The following SCAF11 variants were observed in gnomAD, a reference collection of about 807,000 sequenced individuals.
SCAF11 encodes the protein SR-related CTD associated factor 11, also known as protein SCAF11.
Under a neutral mutation model 140.5 loss-of-function variants are expected in SCAF11, and 47 were observed. That is an observed-to-expected ratio of 0.33 (90% confidence interval 0.26 to 0.43). The LOEUF (loss-of-function observed/expected upper bound fraction) is 0.43, where lower values mean the gene tolerates loss of function less well. SCAF11 is among the 20% of genes least tolerant of loss of function. The pLI, the probability that SCAF11 is intolerant of heterozygous loss-of-function variation, is 1.00. For missense variants in SCAF11, 1,645 were observed against 1,705.1 expected (o/e 0.96, Z 0.62); for synonymous variants, 557 against 579.4 (o/e 0.96, Z 0.55).
chr12:45,938,756 T>C (rs915606590), intron 6 of SCAF11, among the ~76,000 whole-genome samples: 5 of 150,866 alleles, frequency 3.3e-5, no homozygotes, highest in African/African-American at 1.2e-4. Flanking sequence ...TAGAACCCAG[T>C]ACTTGGCAGG....
intron 1 of SCAF11, among the ~76,000 whole-genome samples, chr12:45,970,815 T>TCCAG (rs1946055189): frequency 1.3e-5 from 2 of 152,234 alleles, no homozygotes; most frequent in Non-Finnish European, 2.9e-5. Flanking sequence ...GGTCTTTTAA[T>TCCAG]AAAATCAGTT....
intron 1 of SCAF11, among the ~76,000 whole-genome samples, chr12:45,964,714 A>G (rs1945903820): frequency 6.6e-6 from 1 of 152,134 alleles, no homozygotes; most frequent in Non-Finnish European, 1.5e-5. Flanking sequence ...ATTAAGCAAC[A>G]AAGCCTAAAT....
intron 6 of SCAF11, chr12:45,934,855 T>G (rs1945134136): frequency 6.2e-6 from 1 of 162,334 alleles, no homozygotes; most frequent in African/African-American, 2.4e-5. Flanking sequence ...GTCAAGCTAT[T>G]TAATATCAAT....
intron 10 of SCAF11, chr12:45,929,631 C>T (rs1944994536): frequency 6.6e-6 from 1 of 152,096 alleles, no homozygotes; most frequent in South Asian, 2.1e-4. Context: ...TTCCTCAAAG[C>T]CTCCAAGTTG....
chr12:45,922,312 T>C (rs945874334), intron 14 of SCAF11, 118 bp from the exon 15 acceptor site: 3 of 1,456,656 alleles, frequency 2.1e-6, no homozygotes, highest in African/African-American at 2.9e-5. Context: ...TCATGTTTCA[T>C]TATCTCACAC....
chr12:45,975,467 C>G (rs1289258488), intron 1 of SCAF11: 2 of 159,334 alleles, frequency 1.3e-5, no homozygotes, highest in Non-Finnish European at 2.7e-5. Context: ...ATGCAGCTTC[C>G]GCATCACCAC....
At chr12:45,990,957 T>C (rs1946593702), upstream of SCAF11, among the ~76,000 whole-genome samples, 1 of 152,216 alleles carries the variant, frequency 6.6e-6, no homozygotes, top group Admixed American at 6.5e-5. Flanking sequence ...TTTGGCAGTT[T>C]TACAGGCTGC....
chr12:45,940,041 CT>C (rs1381493109), intron 6 of SCAF11, among the ~76,000 whole-genome samples: 1 of 152,206 alleles, frequency 6.6e-6, no homozygotes, highest in Non-Finnish European at 1.5e-5. Context: ...TGCCCCTAAA[CT>C]TTGCAATAAT....
At chr12:45,941,348 A>G (rs1945297532) in intron 6 of SCAF11, among the ~76,000 whole-genome samples, 1 of 152,212 alleles carries the variant, frequency 6.6e-6, no homozygotes, top group South Asian at 2.1e-4. Flanking sequence ...ATACGTACAC[A>G]TTGTGAAAAT....
chr12:45,940,604 C>T (rs1945273266), intron 6 of SCAF11, among the ~76,000 whole-genome samples: 1 of 152,154 alleles, frequency 6.6e-6, no homozygotes, highest in African/African-American at 2.4e-5. Flanking sequence ...AATACATAAT[C>T]TCAGAAGACA....
At chr12:45,970,589 T>C (rs1356043358) in intron 1 of SCAF11, among the ~76,000 whole-genome samples, 1 of 152,254 alleles carries the variant, frequency 6.6e-6, no homozygotes, top group African/African-American at 2.4e-5. Flanking sequence ...AATTAGTTTC[T>C]AGTTCAGTTT....
At chr12:45,972,610 C>CA (rs1565688358) in intron 1 of SCAF11, among the ~76,000 whole-genome samples, 3 of 130,400 alleles carry the variant, frequency 2.3e-5, no homozygotes, top group African/African-American at 5.7e-5. Flanking sequence ...AAAAAAAATC[C>CA]AAAAAACAAA....
intron 2 of SCAF11, among the ~76,000 whole-genome samples, chr12:45,963,743 T>C (rs955539245): frequency 5.9e-5 from 9 of 152,184 alleles, no homozygotes; most frequent in Non-Finnish European, 1.3e-4. Context: ...AAAGCATTCT[T>C]GGGTTCTTCT....
At position 45,923,125 on chromosome 12, in the gene SCAF11, A is replaced by T; in HGVS notation, c.3936T>A (p.Asn1312Lys). 6.2e-7 allele frequency: 1 copy of T among 1,614,116 alleles called. No homozygotes were observed. ...QGIPSSSHVS[N>K]NMSTPVLPAP... ...CAGGCAAAACTGGTGTACTCATGTT[A>T]TTACTTACATGAGAAGAACTAGGAA... Residue 1312 changes from asparagine (N) to lysine (K), a missense_variant, in exon 13 of 15, where the codon AAT (asparagine) becomes AAA (lysine). Physicochemically the swap from Asn to Lys is moderately conservative, Grantham distance 94. Transcript: ENST00000369367.
intron 3 of SCAF11, among the ~76,000 whole-genome samples, chr12:45,959,481 T>C (rs189151803): frequency 6.6e-6 from 1 of 152,318 alleles, no homozygotes; most frequent in Admixed American, 6.5e-5. Flanking sequence ...GCATGGCCTG[T>C]TAGAAGGCTG....
At position 45,926,281 on chromosome 12, in the gene SCAF11, A is replaced by G; in HGVS notation, c.3420T>C (p.Ser1140=). ...EFSFDTPADR[S]GWTSASSWAV... ...CCCAGCTGGATGCAGATGTCCATCC[A>G]GATCTATCTGCTGGTGTATCAAATG... is the stretch of plus-strand genomic sequence containing the variant. Residue 1140 remains serine, a synonymous_variant, in exon 11 of 15, where the codon TCT becomes TCC. Transcript: ENST00000369367. 2 of 1,614,166 alleles carry G rather than the reference A, an allele frequency of 1.2e-6. No individual in the cohort carries two copies. Among genetic ancestry groups the G allele is most frequent in the Non-Finnish European group, 1.7e-6 (2 of 1,180,030 alleles).
intron 1 of SCAF11, among the ~76,000 whole-genome samples, chr12:45,987,965 G>A (rs1479383975): frequency 6.6e-6 from 1 of 152,088 alleles, no homozygotes; most frequent in African/African-American, 2.4e-5. Flanking sequence ...TAAGTTCATA[G>A]ACACAACTTA....
At chr12:45,931,321 TATAC>T (rs1945040735) in intron 10 of SCAF11, 181 bp downstream of exon 10, 1 of 367,296 alleles carries the variant, frequency 2.7e-6, no homozygotes, top group Non-Finnish European at 5.0e-6. Context: ...TCTATCTATA[TATAC>T]ATACACTCTA....
At chr12:45,982,291 T>C (rs1451031898) in intron 1 of SCAF11, among the ~76,000 whole-genome samples, 1 of 152,218 alleles carries the variant, frequency 6.6e-6, no homozygotes, top group African/African-American at 2.4e-5. Context: ...AGGTGAGTGA[T>C]AGCTTATAAA....
Sources: allele counts gnomAD v4.1 joint callset (sites outside exome capture counted in the v4.1 genomes callset), GRCh38; gene constraint gnomAD v4.1.1; transcripts MANE v1.5; gene names NCBI Gene and HGNC (gene_info 2026-07-23, HGNC 2026-07-21).